Variants in CATSPER3 observed in about 807,000 individuals in gnomAD.
The protein encoded by CATSPER3 is cation channel sperm-associated protein 3.
In CATSPER3, 23 loss-of-function variants were observed where a neutral mutation model predicts 36.6. The ratio of observed to expected loss-of-function variants is 0.63; its 90% confidence interval spans 0.45 to 0.89. The LOEUF (loss-of-function observed/expected upper bound fraction) is 0.89, where lower values mean the gene tolerates loss of function less well. Ranked by LOEUF, CATSPER3 falls within the 40% of genes least tolerant of loss-of-function variation. CATSPER3 has a pLI of 0.00. For missense variants in CATSPER3, 474 were observed against 503.9 expected (o/e 0.94, Z 0.57); for synonymous variants, 172 against 184.1 (o/e 0.93, Z 0.53).
chr5:135,001,005 A>G (rs1367615769), intron 3 of CATSPER3, among the ~76,000 whole-genome samples: 2 of 151,750 alleles, frequency 1.3e-5, no homozygotes, highest in African/African-American at 4.8e-5. Context: ...TAGTTTTTTT[A>G]ATTGTGATGT....
chr5:134,990,985 G>T (rs1409156156), intron 2 of CATSPER3, among the ~76,000 whole-genome samples: 3 of 151,978 alleles, frequency 2.0e-5, no homozygotes, highest in African/African-American at 4.8e-5. Context: ...AAAATCAATT[G>T]TATTTCTATG....
At chr5:135,010,976 G>T (rs1386930756) in intron 7 of CATSPER3, among the ~76,000 whole-genome samples, 2 of 152,192 alleles carry the variant, frequency 1.3e-5, no homozygotes, top group African/African-American at 4.8e-5. Context: ...TATATGTGAA[G>T]CTCTGAGTGT....
intron 6 of CATSPER3, among the ~76,000 whole-genome samples, chr5:135,009,735 G>A (rs1227755520): frequency 6.6e-6 from 1 of 152,190 alleles, no homozygotes; most frequent in East Asian, 1.9e-4. Context: ...CCTCTGTTGT[G>A]GGCAGAACTC....
In CATSPER3 at chr5:135,008,925, C is replaced by T; in HGVS notation, c.760C>T (p.Leu254Phe). 1 of 1,613,920 alleles carries T rather than the reference C, an allele frequency of 6.2e-7. No individual in the cohort carries two copies. The highest frequency in any genetic ancestry group is 8.5e-7 in the Non-Finnish European group (1 of 1,179,828). ...GGCATTCACCATCATCTTCATCTTGCTCGCCTCTTTCATCTTCCTCAACAT... is the reference window on the plus strand; with the variant it reads ...GGCATTCACCATCATCTTCATCTTGTTCGCCTCTTTCATCTTCCTCAACAT... ...SRAFTIIFIL[L>F]ASFIFLNMFV... Residue 254 changes from leucine to phenylalanine, a missense_variant, in exon 5 of 8, where the codon CTC becomes TTC. Leu to Phe is a conservative substitution (Grantham distance 22, BLOSUM62 0). Transcript: ENST00000282611.
At chr5:134,998,917 C>A (rs936930675) in intron 3 of CATSPER3, among the ~76,000 whole-genome samples, 2 of 152,132 alleles carry the variant, frequency 1.3e-5, no homozygotes, top group African/African-American at 2.4e-5. Context: ...TCTTTAGTTT[C>A]ATTAGATCCC....
chr5:134,997,445 T>C (rs1751964150), intron 3 of CATSPER3, among the ~76,000 whole-genome samples: 1 of 152,214 alleles, frequency 6.6e-6, no homozygotes, highest in Non-Finnish European at 1.5e-5. Context: ...ATGGCGAACC[T>C]TCTGGGGAAA....
rs1327142966 is a variant in CATSPER3 at position 134,985,793 on chromosome 5, G to A, written c.253-10480G>A. Among the ~76,000 whole-genome samples the A allele has an allele frequency of 2.6e-5, 4 of 151,510 alleles. No homozygotes were observed. The South Asian group carries it at 6.3e-4, about 24-fold the overall frequency. On this transcript the variant is annotated intron_variant, in intron 2 of 7. Coordinates refer to ENST00000282611, the MANE Select transcript of CATSPER3 (RefSeq NM_178019.3). ...GTATGCCTGTAGTCCTAGCTGCTTG[G>A]GAGGCTGATGTGGGAGGATCACTTG... is the stretch of plus-strand genomic sequence containing the variant.
intron 3 of CATSPER3, among the ~76,000 whole-genome samples, chr5:135,005,608 A>G (rs1262558524): frequency 6.6e-6 from 1 of 152,226 alleles, no homozygotes; most frequent in African/African-American, 2.4e-5. Flanking sequence ...GTCTAAAGGA[A>G]TCCTTAAATA....
At chr5:134,985,628 G>T (rs953730726) in intron 2 of CATSPER3, among the ~76,000 whole-genome samples, 5 of 152,020 alleles carry the variant, frequency 3.3e-5, no homozygotes, top group African/African-American at 1.2e-4. Flanking sequence ...ATTGAAATAG[G>T]CCAGGGGCAG....
At chr5:134,999,069 C>T (rs553614448) in intron 3 of CATSPER3, among the ~76,000 whole-genome samples, 184 of 152,210 alleles carry the variant, frequency 1.2e-3, no homozygotes, top group Non-Finnish European at 2.2e-3. Flanking sequence ...AGTCTTTAAT[C>T]CATCTTGAAT....
At chr5:134,980,729 C>T (rs1751740197) in intron 2 of CATSPER3, among the ~76,000 whole-genome samples, 1 of 151,770 alleles carries the variant, frequency 6.6e-6, no homozygotes, top group Non-Finnish European at 1.5e-5. Flanking sequence ...ACGCCTGGCC[C>T]CTTTCCTCCT....
chr5:135,009,979 T>C (rs369136232), intron 6 of CATSPER3, among the ~76,000 whole-genome samples: 4 of 152,162 alleles, frequency 2.6e-5, no homozygotes, highest in African/African-American at 9.6e-5. Flanking sequence ...CCGGGTGAAT[T>C]TTCCCCCTGA....
At chr5:134,991,399 A>G (rs1468369477) in intron 2 of CATSPER3, among the ~76,000 whole-genome samples, 1 of 152,250 alleles carries the variant, frequency 6.6e-6, no homozygotes, top group Non-Finnish European at 1.5e-5. Context: ...AACTTACTAC[A>G]AAGATATAGT....
At chr5:134,971,044 G>T (rs1751599466) in intron 2 of CATSPER3, among the ~76,000 whole-genome samples, 1 of 151,880 alleles carries the variant, frequency 6.6e-6, no homozygotes, top group Non-Finnish European at 1.5e-5. Context: ...CCACCTCCTG[G>T]GTTCACGCCA....
At chr5:134,992,344 T>C (rs1241187536) in intron 2 of CATSPER3, among the ~76,000 whole-genome samples, 1 of 152,136 alleles carries the variant, frequency 6.6e-6, no homozygotes, top group African/African-American at 2.4e-5. Context: ...GAAAAGATGT[T>C]TGACATCACT....
intron 2 of CATSPER3, among the ~76,000 whole-genome samples, chr5:134,972,493 CA>C (rs1751619376): frequency 6.6e-6 from 1 of 151,796 alleles, no homozygotes. Flanking sequence ...ATAAAAATTT[CA>C]AAAATAAAGA....
intron 2 of CATSPER3, among the ~76,000 whole-genome samples, chr5:134,994,579 G>A (rs1399965112): frequency 6.6e-6 from 1 of 152,184 alleles, no homozygotes; most frequent in Non-Finnish European, 1.5e-5. Context: ...CTTTAGACAT[G>A]TGTACAATAA....
chr5:134,972,926 T>A (rs1008866284), intron 2 of CATSPER3, among the ~76,000 whole-genome samples: 3 of 151,712 alleles, frequency 2.0e-5, no homozygotes, highest in Admixed American at 6.6e-5. Context: ...AAGAAGATAA[T>A]CACTTATCAT....
intron 3 of CATSPER3, among the ~76,000 whole-genome samples, chr5:135,003,327 G>T (rs962219534): frequency 2.0e-5 from 3 of 152,184 alleles, no homozygotes; most frequent in African/African-American, 7.2e-5. Flanking sequence ...TCATCTCAGA[G>T]GGGCACCCGG....
Sources: allele counts gnomAD v4.1 joint callset (sites outside exome capture counted in the v4.1 genomes callset), GRCh38; gene constraint gnomAD v4.1.1; transcripts MANE v1.5; gene names NCBI Gene and HGNC (gene_info 2026-07-23, HGNC 2026-07-21).